COL19A1: variants seen among roughly 807,000 people sequenced by gnomAD.
The protein encoded by COL19A1 is collagen alpha-1(XIX) chain.
A neutral mutation model predicts 190.2 loss-of-function variants in COL19A1; 159 were observed. The ratio of observed to expected loss-of-function variants is 0.84; its 90% confidence interval spans 0.73 to 0.95. The LOEUF is 0.95. Among genes scored for constraint, COL19A1 ranks in the 40% least tolerant of loss-of-function variants. The pLI is 0.00. For synonymous variants in COL19A1, 509 were observed against 458.9 expected, an observed-to-expected ratio of 1.11 and a Z score of -1.39; for missense variants, 1,418 against 1,431.9, an observed-to-expected ratio of 0.99 and a Z score of 0.16.
chr6:69,909,684 G>A (rs932818651), intron 4 of COL19A1, among the ~76,000 whole-genome samples: 6 of 152,034 alleles, frequency 3.9e-5, no homozygotes, highest in Admixed American at 3.3e-4. Context: ...CATATCCAAG[G>A]TGGCAGGCAG....
intron 48 of COL19A1, among the ~76,000 whole-genome samples, chr6:70,192,966 ATC>A (rs1766976354): frequency 6.6e-6 from 1 of 152,276 alleles, no homozygotes; most frequent in African/African-American, 2.4e-5. Flanking sequence ...TTTATCTTTT[ATC>A]TAAGAGAGCT....
chr6:69,921,058 T>TATATTCATAGGCATATC lies in COL19A1; in HGVS notation c.267-6847_267-6846insTCATAGGCATATCATAT, dbSNP rs1771709143. Among the ~76,000 whole-genome samples the TATATTCATAGGCATATC allele has an allele frequency of 5.8e-5, 3 of 51,518 alleles. 1 individual carries two copies. In the South Asian group the frequency reaches 2.3e-3, roughly 39 times the overall value. The allele number at this position is 51,518 out of a possible 152,430, so 33.8% of individuals were successfully genotyped here. ...ATCATATATATTCATAGACATATCA[T>TATATTCATAGGCATATC]ATATATTCATAGACATATCATATAT... On this transcript the variant is annotated intron_variant, in intron 4 of 50. Coordinates refer to ENST00000620364, the MANE Select transcript of COL19A1 (RefSeq NM_001858.6).
Position 70,212,016 on chromosome 6 carries a change from G to A in COL19A1, c.*4742G>A, listed in dbSNP as rs1768235569. Among the ~76,000 whole-genome samples, 2 of 152,132 alleles carry A rather than the reference G, an allele frequency of 1.3e-5. No homozygotes were observed. The highest frequency in any genetic ancestry group is 1.3e-4 in the Admixed American group (2 of 15,272). On this transcript the variant is annotated 3_prime_UTR_variant, in exon 51 of 51. Coordinates refer to ENST00000620364, the MANE Select transcript of COL19A1 (RefSeq NM_001858.6). ...GTCAAAAGTGAATACTAATAAAGTG[G>A]GAGGCTTCACTAAATGAGGGGGTAA...
At chr6:70,144,894 A>C in intron 24 of COL19A1, 24 bp from the exon 25 acceptor site, 1 of 1,467,838 alleles carries the variant, frequency 6.8e-7, no homozygotes, top group South Asian at 1.2e-5. Context: ...CATCAAAGTA[A>C]GAATCTTACC....
At chr6:70,173,350 T>A (rs1253868813) in intron 41 of COL19A1, among the ~76,000 whole-genome samples, 1 of 151,146 alleles carries the variant, frequency 6.6e-6, no homozygotes, top group Non-Finnish European at 1.5e-5. Context: ...GCCAATAGAG[T>A]TTTTAGAAAC....
chr6:69,991,183 T>G (rs758052606), intron 11 of COL19A1, among the ~76,000 whole-genome samples: 3 of 152,100 alleles, frequency 2.0e-5, no homozygotes, highest in Non-Finnish European at 4.4e-5. Context: ...CTTAGGATAA[T>G]GGACTCTAGC....
At chr6:70,165,880 T>C in intron 36 of COL19A1, 61 bp from the exon 37 acceptor site, 1 of 1,427,284 alleles carries the variant, frequency 7.0e-7, no homozygotes, top group East Asian at 2.3e-5. Flanking sequence ...TTTCAGAAGA[T>C]AGTTTGTAAA....
intron 37 of COL19A1, among the ~76,000 whole-genome samples, chr6:70,167,602 T>C (rs1280379296): frequency 6.6e-6 from 1 of 152,224 alleles, no homozygotes; most frequent in Non-Finnish European, 1.5e-5. Context: ...TACTTTTCAG[T>C]AGCCAAATTG....
intron 2 of COL19A1, among the ~76,000 whole-genome samples, chr6:69,882,632 AT>A (rs1768638740): frequency 6.6e-6 from 1 of 152,238 alleles, no homozygotes; most frequent in Non-Finnish European, 1.5e-5. Flanking sequence ...ATAAATAGAA[AT>A]GACAGAATGC....
At chr6:69,920,693 C>T (rs992690139) in intron 4 of COL19A1, among the ~76,000 whole-genome samples, 4 of 151,644 alleles carry the variant, frequency 2.6e-5, no homozygotes, top group African/African-American at 9.7e-5. Context: ...CCATGAATAT[C>T]TAGATGACCT....
chr6:69,881,761 T>C (rs1297252355), intron 2 of COL19A1, among the ~76,000 whole-genome samples: 2 of 152,200 alleles, frequency 1.3e-5, no homozygotes, highest in Non-Finnish European at 2.9e-5. Flanking sequence ...TATCATGCTA[T>C]TTGGTAGAGG....
chr6:70,043,427 C>A (rs1779736717), intron 14 of COL19A1, among the ~76,000 whole-genome samples: 1 of 152,038 alleles, frequency 6.6e-6, no homozygotes, highest in Non-Finnish European at 1.5e-5. Flanking sequence ...CTCCTGACCT[C>A]GTGATCTGCC....
chr6:69,998,577 G>A (rs989031527), intron 11 of COL19A1, among the ~76,000 whole-genome samples: 3 of 150,002 alleles, frequency 2.0e-5, no homozygotes, highest in African/African-American at 7.4e-5. Context: ...ACCGGGAAGT[G>A]GACGTTGCAG....
chr6:70,187,006 T>C (rs1480730594), intron 46 of COL19A1, among the ~76,000 whole-genome samples: 2 of 152,114 alleles, frequency 1.3e-5, no homozygotes, highest in Non-Finnish European at 2.9e-5. Context: ...GCCTCCTGAG[T>C]AGCTGGGATT....
chr6:70,174,434 C>T (rs1387710149), intron 41 of COL19A1, among the ~76,000 whole-genome samples: 2 of 152,126 alleles, frequency 1.3e-5, no homozygotes, highest in Non-Finnish European at 2.9e-5. Flanking sequence ...GTGGCAGGCA[C>T]CTGTAATCCT....
At chr6:70,037,387 C>T (rs1452760451) in intron 14 of COL19A1, among the ~76,000 whole-genome samples, 1 of 152,062 alleles carries the variant, frequency 6.6e-6, no homozygotes, top group Non-Finnish European at 1.5e-5. Context: ...AACTCCTGAC[C>T]TCAGGTGATC....
At chr6:69,936,756 A>C in intron 7 of COL19A1, 29 bp from the exon 8 acceptor site, 1 of 1,610,442 alleles carries the variant, frequency 6.2e-7, no homozygotes, top group Non-Finnish European at 8.5e-7. Flanking sequence ...AATTGACCCC[A>C]TTTCCTAAAG....
intron 2 of COL19A1, among the ~76,000 whole-genome samples, chr6:69,884,572 A>G (rs1471593847): frequency 1.3e-5 from 2 of 152,172 alleles, no homozygotes; most frequent in African/African-American, 2.4e-5. Flanking sequence ...TTTCTTAGGT[A>G]TGCTATTATT....
At chr6:70,055,121 A>G (rs1475540454) in intron 14 of COL19A1, among the ~76,000 whole-genome samples, 1 of 152,232 alleles carries the variant, frequency 6.6e-6, no homozygotes, top group Non-Finnish European at 1.5e-5. Flanking sequence ...CATATGAAAT[A>G]GACCTAAATT....
Sources: gnomAD v4.1 joint callset for allele counts (sites outside exome capture counted in the v4.1 genomes callset) on GRCh38, gnomAD v4.1.1 for gene constraint, MANE v1.5 for transcripts, NCBI Gene and HGNC (gene_info 2026-07-23, HGNC 2026-07-21) for gene names.